Variants in EGFLAM observed in about 807,000 individuals in gnomAD.
The protein encoded by EGFLAM is EGF like, fibronectin type III and laminin G domains, also known as pikachurin.
A neutral mutation model predicts 113.1 loss-of-function variants in EGFLAM; 79 were observed. The observed-to-expected ratio is 0.70, with a 90% CI of 0.58 to 0.84. The LOEUF (loss-of-function observed/expected upper bound fraction) is 0.84, where lower values mean the gene tolerates loss of function less well. Among genes scored for constraint, EGFLAM ranks in the 40% least tolerant of loss-of-function variants. The probability of loss-of-function intolerance (pLI) is 0.00; values close to 1 mark genes in which losing one functional copy is unlikely to be tolerated. For synonymous variants in EGFLAM, 504 were observed against 487.6 expected (o/e 1.03, Z -0.44); for missense variants, 1,265 against 1,291.6 (o/e 0.98, Z 0.32).
intron 19 of EGFLAM, among the ~76,000 whole-genome samples, chr5:38,455,351 G>A (rs995113892): frequency 5.3e-5 from 8 of 152,184 alleles, no homozygotes; most frequent in Admixed American, 3.9e-4. Flanking sequence ...TTCCCAAGAC[G>A]TGGGTAGAGA....
chr5:38,405,274 G>T (rs1300415542), intron 6 of EGFLAM, among the ~76,000 whole-genome samples: 1 of 151,994 alleles, frequency 6.6e-6, no homozygotes, highest in Admixed American at 6.6e-5. Context: ...ACTCTCAAAG[G>T]CCCCTGTGAA....
rs756568362 is a variant in EGFLAM at position 38,448,339 on chromosome 5, C to T, written c.2503C>T (p.Arg835Cys). ...EAIEIPQFIG[R>C]SYLTYDNPDI... is the part of the protein sequence containing the mutation. ...CATTGAGATCCCGCAGTTTATCGGC[C>T]GCAGTTACCTGACGTATGACAACCC... Residue 835 changes from arginine (R) to cysteine (C), a missense_variant, in exon 18 of 22, where the codon CGC (arginine) becomes TGC (cysteine). Arg to Cys is a radical substitution (Grantham distance 180). Transcript: ENST00000322350. 1.7e-5 allele frequency: 28 copies of T among 1,614,006 alleles called. No individual in the cohort carries two copies. The Admixed American group carries it at 2.0e-4, about 12-fold the overall frequency.
At chr5:38,396,140 C>G in intron 6 of EGFLAM, among the ~76,000 whole-genome samples, 1 of 152,072 alleles carries the variant, frequency 6.6e-6, no homozygotes, top group Non-Finnish European at 1.5e-5. Context: ...CACCAATGAT[C>G]CACATTTTTT....
chr5:38,376,952 G>C (rs1468461944), intron 6 of EGFLAM, among the ~76,000 whole-genome samples: 1 of 152,108 alleles, frequency 6.6e-6, no homozygotes, highest in Admixed American at 6.5e-5. Flanking sequence ...TTACAGTCCT[G>C]AGCCACTGTG....
At chr5:38,438,183 G>C in intron 16 of EGFLAM, 92 bp from the exon 17 acceptor site, 1 of 1,375,340 alleles carries the variant, frequency 7.3e-7, no homozygotes, top group Non-Finnish European at 9.8e-7. Context: ...ATCTCCCTAT[G>C]TGTAGCTCAG....
At chr5:38,391,943 A>AT (rs34258430) in intron 6 of EGFLAM, among the ~76,000 whole-genome samples, 36,650 of 151,146 alleles carry the variant, frequency 0.24, 4,757 homozygotes, top group African/African-American at 0.33. Context: ...CACTCGGCTA[A>AT]TTTTTTTTTC....
intron 5 of EGFLAM, among the ~76,000 whole-genome samples, chr5:38,366,929 G>C (rs1028576430): frequency 6.6e-6 from 1 of 152,192 alleles, no homozygotes; most frequent in African/African-American, 2.4e-5. Flanking sequence ...GTGGCAAAAT[G>C]AACCAGTTAG....
In EGFLAM at chr5:38,452,183, G is replaced by A. The variant is rs1359449237; in HGVS notation, c.2687+725G>A. ...TCCCTAGTAGCTGGGATTATAGCAC[G>A]TGCCACCATGTCTGGCTTTTTGTAT... On this transcript the variant is annotated intron_variant, in intron 19 of 21. Coordinates refer to ENST00000322350, the MANE Select transcript of EGFLAM (RefSeq NM_152403.4). Among the ~76,000 whole-genome samples, 7 of 151,662 alleles carry A rather than the reference G, an allele frequency of 4.6e-5. No individual in the cohort carries two copies. In the East Asian group the frequency reaches 6.0e-4, roughly 13 times the overall value.
intron 9 of EGFLAM, 33 bp downstream of exon 9, chr5:38,407,938 T>G (rs199524764): frequency 6.6e-7 from 1 of 1,512,434 alleles, no homozygotes; most frequent in East Asian, 2.3e-5. Context: ...TGAGTGCTTT[T>G]TGGACACTTT....
chr5:38,321,428 C>G (rs537105825), intron 1 of EGFLAM, among the ~76,000 whole-genome samples: 1 of 152,300 alleles, frequency 6.6e-6, no homozygotes, highest in South Asian at 2.1e-4. Context: ...GGCCACAGAA[C>G]AGTACTGATC....
At chr5:38,409,174 G>C (rs1741391128) in intron 10 of EGFLAM, 70 bp downstream of exon 10, 1 of 1,233,634 alleles carries the variant, frequency 8.1e-7, no homozygotes, top group Admixed American at 2.7e-5. Flanking sequence ...CCTTTTTATA[G>C]TATGAAAAAA....
intron 5 of EGFLAM, among the ~76,000 whole-genome samples, chr5:38,353,179 T>G (rs1739675717): frequency 6.6e-6 from 1 of 152,222 alleles, no homozygotes; most frequent in African/African-American, 2.4e-5. Context: ...GGAAATTCTT[T>G]ACAGATATTA....
Position 38,417,892 on chromosome 5 carries a change from G to A in EGFLAM, c.1495-174G>A, listed in dbSNP as rs139956682. ...CTGAGAAACTCACTGAGCTCCCTACGGTAATCGTGGGTTTAATTTTCCAGT... is the reference window on the plus strand; with the variant it reads ...CTGAGAAACTCACTGAGCTCCCTACAGTAATCGTGGGTTTAATTTTCCAGT... On this transcript the variant is annotated intron_variant, in intron 11 of 21. Coordinates refer to ENST00000322350, the MANE Select transcript of EGFLAM (RefSeq NM_152403.4). 1.2e-3 allele frequency among the ~76,000 whole-genome samples: 182 copies of A among 152,256 alleles called. 1 individual carries two copies. The highest frequency in any genetic ancestry group is 4.2e-3 in the African/African-American group (173 of 41,544).
intron 17 of EGFLAM, among the ~76,000 whole-genome samples, chr5:38,439,640 G>T (rs768568968): frequency 2.0e-5 from 3 of 152,194 alleles, no homozygotes; most frequent in African/African-American, 4.8e-5. Flanking sequence ...ATGTTTAAAT[G>T]AATTTGAAAT....
intron 1 of EGFLAM, among the ~76,000 whole-genome samples, chr5:38,331,055 A>C (rs1474606715): frequency 6.6e-6 from 1 of 152,222 alleles, no homozygotes; most frequent in Non-Finnish European, 1.5e-5. Flanking sequence ...AAGATGCTAA[A>C]ATATTTAACC....
At chr5:38,425,164 A>G in intron 13 of EGFLAM, 72 bp downstream of exon 13, 1 of 1,545,082 alleles carries the variant, frequency 6.5e-7, no homozygotes, top group Non-Finnish European at 8.7e-7. Flanking sequence ...TATCATCAAT[A>G]TAGTTTCTTT....
intron 2 of EGFLAM, 74 bp downstream of exon 2, chr5:38,337,703 T>G (rs2111946753): frequency 8.0e-7 from 1 of 1,248,254 alleles, no homozygotes; most frequent in Non-Finnish European, 1.1e-6. Context: ...CCTTGCTTTT[T>G]CTAGATATCT....
intron 12 of EGFLAM, among the ~76,000 whole-genome samples, chr5:38,422,030 C>T (rs569482868): frequency 2.0e-5 from 3 of 151,928 alleles, no homozygotes; most frequent in Non-Finnish European, 2.9e-5. Flanking sequence ...GAAACAGAGA[C>T]GGATCTGACA....
At chr5:38,325,143 C>A (rs1738846234) in intron 1 of EGFLAM, among the ~76,000 whole-genome samples, 2 of 151,972 alleles carry the variant, frequency 1.3e-5, no homozygotes, top group Admixed American at 1.3e-4. Context: ...ATAGTGGGAG[C>A]TGAGAACAGG....
Sources: allele counts gnomAD v4.1 joint callset (sites outside exome capture counted in the v4.1 genomes callset), GRCh38; gene constraint gnomAD v4.1.1; transcripts MANE v1.5; gene names NCBI Gene and HGNC (gene_info 2026-07-23, HGNC 2026-07-21).